Variants in GPHN observed in about 807,000 individuals in gnomAD.
The protein encoded by GPHN is gephyrin.
GPHN carries 17 observed loss-of-function variants against 95.5 expected under a neutral mutation model. That is an observed-to-expected ratio of 0.18 (90% confidence interval 0.12 to 0.27). The LOEUF (loss-of-function observed/expected upper bound fraction) is 0.27, where lower values mean the gene tolerates loss of function less well. Ranked by LOEUF, GPHN falls within the 10% of genes least tolerant of loss-of-function variation. The pLI, the probability that GPHN is intolerant of heterozygous loss-of-function variation, is 1.00. For missense variants in GPHN, 660 were observed against 978.1 expected, an observed-to-expected ratio of 0.67 and a Z score of 4.34; for synonymous variants, 320 against 322.5, an observed-to-expected ratio of 0.99 and a Z score of 0.08.
intron 9 of GPHN, among the ~76,000 whole-genome samples, chr14:67,013,869 A>G (rs1489514275): frequency 6.6e-6 from 1 of 152,182 alleles, no homozygotes; most frequent in South Asian, 2.1e-4. Flanking sequence ...AGTATTTCAA[A>G]CTTCATGCTT....
intron 11 of GPHN, among the ~76,000 whole-genome samples, chr14:67,059,705 A>G (rs1398384711): frequency 6.6e-6 from 1 of 152,182 alleles, no homozygotes; most frequent in Non-Finnish European, 1.5e-5. Flanking sequence ...ATAAAAAATA[A>G]TGGCAGCTAA....
intron 1 of GPHN, 83 bp downstream of exon 1, chr14:66,508,674 T>C: frequency 8.2e-7 from 1 of 1,226,670 alleles, no homozygotes; most frequent in Non-Finnish European, 1.2e-6. Flanking sequence ...GGCCCTTCTC[T>C]GCGGCCTCGG....
At chr14:67,031,028 G>GTTTTTTTT (rs2074172304) in intron 10 of GPHN, among the ~76,000 whole-genome samples, 1 of 151,706 alleles carries the variant, frequency 6.6e-6, no homozygotes. Context: ...TTGTTTGTTT[G>GTTTTTTTT]TTTGTTTGTT....
chr14:67,359,887 G>A, the GPHN span: 34 of 661,912 alleles, frequency 5.1e-5, no homozygotes, highest in Non-Finnish European at 8.6e-5. Context: ...GCGACGAAGG[G>A]GGAGGACAGA....
the GPHN span, chr14:67,575,920 G>A: frequency 1.7e-5 from 27 of 1,613,592 alleles, no homozygotes; most frequent in South Asian, 9.9e-5. Context: ...GGAACCAGAC[G>A]GTTGCTTTCC....
At chr14:66,536,212 A>C (rs2059136397) in intron 1 of GPHN, among the ~76,000 whole-genome samples, 1 of 152,114 alleles carries the variant, frequency 6.6e-6, no homozygotes, top group Non-Finnish European at 1.5e-5. Context: ...CGGCCTCCCA[A>C]AGTGCTGGGA....
chr14:66,834,684 A>C, intron 4 of GPHN, among the ~76,000 whole-genome samples: 1 of 151,868 alleles, frequency 6.6e-6, no homozygotes, highest in Non-Finnish European at 1.5e-5. Flanking sequence ...TTTTTGCATC[A>C]ATGTTCATCA....
rs1414169157 is a variant in GPHN at position 66,821,578 on chromosome 14, G to A, written c.202-2896G>A. ...AAGTACCTGAATAAAAGTTTGCCCT[G>A]AAATATTTTCTTGTTAAATGAATTA... On this transcript the variant is annotated intron_variant, in intron 3 of 22. Coordinates refer to ENST00000478722, the MANE Select transcript of GPHN (RefSeq NM_020806.5). Among the ~76,000 whole-genome samples the A allele has an allele frequency of 3.9e-5, 6 of 152,260 alleles. No homozygotes were observed. The East Asian group carries it at 1.2e-3, about 29-fold the overall frequency.
the GPHN span, chr14:67,582,328 T>C: frequency 6.5e-7 from 1 of 1,534,246 alleles, no homozygotes; most frequent in Admixed American, 1.9e-5. This position sits in a 1 kb window ranked among gnomAD's most constrained non-coding sequence, Gnocchi z 5.0. Flanking sequence ...GAGGGCAGCT[T>C]TGCCATCTCT....
intron 1 of GPHN, among the ~76,000 whole-genome samples, chr14:66,597,692 A>G (rs920991909): frequency 1.3e-5 from 2 of 152,156 alleles, no homozygotes; most frequent in African/African-American, 4.8e-5. Context: ...TGCCCCTTCA[A>G]CTTGGAAGTG....
chr14:67,019,231 AT>A, intron 9 of GPHN, among the ~76,000 whole-genome samples: 1 of 152,204 alleles, frequency 6.6e-6, no homozygotes, highest in East Asian at 1.9e-4. Context: ...ATGTAAAAAG[AT>A]TAAAATTTAA....
chr14:67,685,627 C>A, the GPHN span, among the ~76,000 whole-genome samples: 1 of 151,390 alleles, frequency 6.6e-6, no homozygotes, highest in Admixed American at 6.6e-5. Flanking sequence ...CCACCCCATC[C>A]CCTTCATTTT....
the GPHN span, among the ~76,000 whole-genome samples, chr14:67,437,583 G>A: frequency 6.6e-6 from 1 of 152,320 alleles, no homozygotes; most frequent in South Asian, 2.1e-4. Flanking sequence ...GCAGCCGTGG[G>A]AGGAAGGAGA....
At chr14:66,737,051 A>C (rs534185748) in intron 2 of GPHN, among the ~76,000 whole-genome samples, 18 of 152,306 alleles carry the variant, frequency 1.2e-4, no homozygotes, top group South Asian at 1.0e-3. Flanking sequence ...GTTATTTTCA[A>C]ATCTGCCTAG....
chr14:66,622,089 T>G (rs2063330812), intron 1 of GPHN, among the ~76,000 whole-genome samples: 1 of 152,324 alleles, frequency 6.6e-6, no homozygotes, highest in Admixed American at 6.5e-5. Flanking sequence ...AACTTCTGCC[T>G]GGACATCCAG....
chr14:67,674,682 C>T, the GPHN span: 3 of 461,004 alleles, frequency 6.5e-6, no homozygotes, highest in Non-Finnish European at 1.1e-5. Context: ...CCAGTGATTG[C>T]TGGAGCGCCG....
chr14:66,912,973 A>G (rs571100161), intron 5 of GPHN, among the ~76,000 whole-genome samples: 6 of 152,270 alleles, frequency 3.9e-5, no homozygotes, highest in Non-Finnish European at 8.8e-5. Flanking sequence ...TTTTCCATGG[A>G]TGAGAGTCAA....
At chr14:67,104,029 G>A (rs2077890510) in intron 13 of GPHN, among the ~76,000 whole-genome samples, 1 of 151,970 alleles carries the variant, frequency 6.6e-6, no homozygotes, top group South Asian at 2.1e-4. Flanking sequence ...CCTTCACTGT[G>A]TACACTCATT....
chr14:67,346,628 C>T, the GPHN span, among the ~76,000 whole-genome samples: 1 of 151,908 alleles, frequency 6.6e-6, no homozygotes, highest in Non-Finnish European at 1.5e-5. Context: ...AATATTGTTT[C>T]TATGAAAAAA....
Sources: gnomAD v4.1 joint callset for allele counts (sites outside exome capture counted in the v4.1 genomes callset) on GRCh38, gnomAD v4.1.1 for gene constraint, Gnocchi (gnomAD v3.1) non-coding constraint, MANE v1.5 for transcripts, NCBI Gene and HGNC (gene_info 2026-07-23, HGNC 2026-07-21) for gene names.